The following LMBR1 variants were observed in gnomAD, a reference collection of about 807,000 sequenced individuals.
LMBR1 encodes the protein limb region 1 protein homolog.
In LMBR1, 52 loss-of-function variants were observed where a neutral mutation model predicts 73.9. The ratio of observed to expected loss-of-function variants is 0.70; its 90% CI spans 0.56 to 0.89. LMBR1 has a LOEUF of 0.89. Among genes scored for constraint, LMBR1 ranks in the 40% least tolerant of loss-of-function variants. The pLI is 0.00. For synonymous variants in LMBR1, 215 were observed against 209.4 expected (o/e 1.03, Z -0.23); for missense variants, 539 against 579.8 (o/e 0.93, Z 0.72).
chr7:156,811,515 A>G (rs1257314398), intron 4 of LMBR1, among the ~76,000 whole-genome samples: 1 of 152,136 alleles, frequency 6.6e-6, no homozygotes, highest in Non-Finnish European at 1.5e-5. Context: ...AGGCTGAGGC[A>G]GAAGAATCAC....
At chr7:156,725,029 G>C (rs1023885133) in intron 14 of LMBR1, among the ~76,000 whole-genome samples, 1 of 152,018 alleles carries the variant, frequency 6.6e-6, no homozygotes, top group Non-Finnish European at 1.5e-5. Context: ...GAACTCTTCC[G>C]TCTTACTTTA....
At chr7:156,851,423 C>G (rs1796220706) in intron 1 of LMBR1, among the ~76,000 whole-genome samples, 1 of 152,188 alleles carries the variant, frequency 6.6e-6, no homozygotes, top group Admixed American at 6.5e-5. Context: ...GGTAAATATT[C>G]ACTTTTTCAA....
At chr7:156,701,110 CAT>C (rs1372186589) in intron 15 of LMBR1, among the ~76,000 whole-genome samples, 1 of 152,176 alleles carries the variant, frequency 6.6e-6, no homozygotes, top group Non-Finnish European at 1.5e-5. Context: ...CCTCCCACAA[CAT>C]GTGGGAATTC....
intron 9 of LMBR1, among the ~76,000 whole-genome samples, chr7:156,737,161 TAA>T (rs1818032221): frequency 6.6e-6 from 1 of 152,234 alleles, no homozygotes; most frequent in Non-Finnish European, 1.5e-5. Context: ...GGTAAATTTT[TAA>T]AGACTATACA....
chr7:156,887,878 A>T (rs1802188490), intron 1 of LMBR1, among the ~76,000 whole-genome samples: 1 of 152,248 alleles, frequency 6.6e-6, no homozygotes, highest in Non-Finnish European at 1.5e-5. Context: ...TCTCCAAAGA[A>T]GATGTCCATA....
At chr7:156,690,828 A>G (rs1018881434) in intron 15 of LMBR1, among the ~76,000 whole-genome samples, 2 of 152,230 alleles carry the variant, frequency 1.3e-5, no homozygotes, top group Non-Finnish European at 2.9e-5. Flanking sequence ...CAGTTCTTCA[A>G]TTCTGAAAAT....
rs1271221571 is a variant in LMBR1, at chr7:156,678,357, C to T, written c.*5721G>A. 1.3e-5 allele frequency: 2 copies of T among 152,208 alleles called. No homozygotes were observed. The allele number at this position is 152,208 out of a possible 1,614,324, so 9.4% of individuals were successfully genotyped here. ...AGGAATGGTCCAGGGCAGCCTGTGA[C>T]AGTTAACAGAAAATCAGGCAATTTT... On this transcript the variant is annotated 3_prime_UTR_variant, in exon 17 of 17. Coordinates refer to ENST00000353442, the MANE Select transcript of LMBR1 (RefSeq NM_022458.4).
At chr7:156,781,784 G>A (rs1356738083) in intron 5 of LMBR1, among the ~76,000 whole-genome samples, 1 of 152,064 alleles carries the variant, frequency 6.6e-6, no homozygotes, top group Non-Finnish European at 1.5e-5. Flanking sequence ...ACAAAACACT[G>A]CCATGTTTAT....
intron 1 of LMBR1, among the ~76,000 whole-genome samples, chr7:156,875,229 T>G (rs1309995141): frequency 6.6e-6 from 1 of 152,040 alleles, no homozygotes; most frequent in African/African-American, 2.4e-5. Context: ...GCTTTTTGAA[T>G]TAACCCAAGC....
chr7:156,759,545 T>C (rs1822573768), intron 8 of LMBR1, among the ~76,000 whole-genome samples: 1 of 152,216 alleles, frequency 6.6e-6, no homozygotes, highest in South Asian at 2.1e-4. Flanking sequence ...TGAAATTATG[T>C]GTGTAAAATA....
intron 4 of LMBR1, among the ~76,000 whole-genome samples, chr7:156,804,331 TTAAAAA>T (rs1402135012): frequency 6.6e-6 from 1 of 151,800 alleles, no homozygotes; most frequent in Non-Finnish European, 1.5e-5. Context: ...TTTGTGGCTA[TTAAAAA>T]TAAAATAGTC....
chr7:156,758,366 C>T (rs1347265635), intron 8 of LMBR1, among the ~76,000 whole-genome samples: 1 of 152,138 alleles, frequency 6.6e-6, no homozygotes, highest in African/African-American at 2.4e-5. Context: ...GCAAATTGTC[C>T]AAGAATTACT....
chr7:156,713,759 T>C (rs1812600998), intron 15 of LMBR1, among the ~76,000 whole-genome samples: 1 of 152,222 alleles, frequency 6.6e-6, no homozygotes, highest in Non-Finnish European at 1.5e-5. Context: ...GTGCAGTTTA[T>C]TGTATGTCAA....
At chr7:156,755,775 C>T (rs148821077) in intron 9 of LMBR1, among the ~76,000 whole-genome samples, 75 of 152,216 alleles carry the variant, frequency 4.9e-4, no homozygotes, top group Middle Eastern at 3.4e-3. Flanking sequence ...AACTGAAATT[C>T]CTGGATCGAA....
At chr7:156,840,010 C>G (rs991307631) in intron 1 of LMBR1, among the ~76,000 whole-genome samples, 2 of 152,112 alleles carry the variant, frequency 1.3e-5, no homozygotes, top group African/African-American at 4.8e-5. Flanking sequence ...GCTACAAGAG[C>G]AATGGAGAGA....
downstream of LMBR1, chr7:156,675,901 G>C: frequency 6.3e-7 from 1 of 1,594,564 alleles, no homozygotes; most frequent in Non-Finnish European, 8.6e-7. Flanking sequence ...AGCAGACTCA[G>C]CTGCAGCTGC....
chr7:156,722,892 C>T (rs1331121745), intron 15 of LMBR1, among the ~76,000 whole-genome samples: 1 of 152,018 alleles, frequency 6.6e-6, no homozygotes, highest in African/African-American at 2.4e-5. Flanking sequence ...AATAATAGTA[C>T]AGTGAATGAG....
downstream of LMBR1, among the ~76,000 whole-genome samples, chr7:156,677,299 C>T (rs925215937): frequency 1.3e-5 from 2 of 152,166 alleles, no homozygotes; most frequent in Middle Eastern, 3.4e-3. Context: ...TACCCCTAGC[C>T]GAGTAACAGA....
At chr7:156,710,546 A>G (rs1811859440) in intron 15 of LMBR1, among the ~76,000 whole-genome samples, 1 of 152,228 alleles carries the variant, frequency 6.6e-6, no homozygotes, top group African/African-American at 2.4e-5. Context: ...GGTCAAAACT[A>G]AGAATAATTA....
Sources: gnomAD v4.1 joint callset for allele counts (sites outside exome capture counted in the v4.1 genomes callset) on GRCh38, gnomAD v4.1.1 for gene constraint, MANE v1.5 for transcripts, NCBI Gene and HGNC (gene_info 2026-07-23, HGNC 2026-07-21) for gene names.